WBP1L: variants seen among roughly 807,000 people sequenced by gnomAD.
WBP1L encodes WW domain binding protein 1 like, also known as WW domain binding protein 1-like.
A neutral mutation model predicts 33.7 loss-of-function variants in WBP1L; 17 were observed. The observed-to-expected ratio is 0.50, with a 90% CI of 0.34 to 0.76. WBP1L has a LOEUF of 0.76. WBP1L is among the 30% of genes least tolerant of loss of function. The pLI, the probability that WBP1L is intolerant of heterozygous loss-of-function variation, is 0.01. For missense variants in WBP1L, 389 were observed against 469.4 expected, an observed-to-expected ratio of 0.83 and a Z score of 1.58; for synonymous variants, 173 against 190.8, an observed-to-expected ratio of 0.91 and a Z score of 0.77.
chr10:102,810,502 C>T (rs1473769880), intron 3 of WBP1L, among the ~76,000 whole-genome samples: 1 of 5,904 alleles, frequency 1.7e-4, no homozygotes, highest in Non-Finnish European at 1.1e-3. Context: ...TCCTTCCTTC[C>T]TTCCTTCCTT....
chr10:102,812,442 G>A (rs1321655743), intron 3 of WBP1L, among the ~76,000 whole-genome samples, 153 bp from the exon 4 acceptor site: 1 of 152,176 alleles, frequency 6.6e-6, no homozygotes, highest in Non-Finnish European at 1.5e-5. Flanking sequence ...GCTCGCAGCT[G>A]TCTCTCCTCT....
At chr10:102,798,187 T>G in intron 2 of WBP1L, 92 bp downstream of exon 2, 1 of 1,096,074 alleles carries the variant, frequency 9.1e-7, no homozygotes, top group South Asian at 1.3e-5. Context: ...CCTTTTCGGA[T>G]TCTCTTGGGG....
chr10:102,813,249 C>A lies in WBP1L; in HGVS notation c.1010C>A (p.Pro337Gln), dbSNP rs1436759366. 6.2e-7 allele frequency: 1 copy of A among 1,612,908 alleles called. No homozygotes were observed. The highest frequency in any genetic ancestry group is 2.2e-5 in the East Asian group (1 of 44,862). ...QAREPGHPHLPRPPACLLLNT... is the reference protein window; with the variant it reads ...QAREPGHPHLQRPPACLLLNT... ...CGAGAGCCTGGGCACCCGCACCTGC[C>A]ACGGCCGCCCGCATGCCTGCTGCTG... Residue 337 changes from proline (P) to glutamine (Q), a missense_variant, in exon 4 of 4, where the codon CCA becomes CAA. By Grantham distance (76) the Pro-to-Gln change is moderately conservative (BLOSUM62 -1). Coordinates refer to ENST00000448841, the MANE Select transcript of WBP1L (RefSeq NM_001083913.2).
At chr10:102,749,904 A>T (rs866977268) in intron 1 of WBP1L, among the ~76,000 whole-genome samples, 6 of 151,428 alleles carry the variant, frequency 4.0e-5, no homozygotes, top group Admixed American at 1.3e-4. Flanking sequence ...CAGCCTCCCA[A>T]ATAGCTGGGA....
chr10:102,766,409 C>A (rs1232881404), intron 1 of WBP1L, among the ~76,000 whole-genome samples: 8 of 143,290 alleles, frequency 5.6e-5, no homozygotes, highest in African/African-American at 2.1e-4. Context: ...CCATTGCACT[C>A]CAGCCTGGGC....
intron 1 of WBP1L, among the ~76,000 whole-genome samples, chr10:102,788,135 C>CTT (rs1232492409): frequency 3.0e-5 from 4 of 133,272 alleles, no homozygotes; most frequent in Non-Finnish European, 6.4e-5. Context: ...TTCTTTCTTT[C>CTT]TTTTTTTTTT....
intron 1 of WBP1L, among the ~76,000 whole-genome samples, chr10:102,785,881 T>C (rs913134831): frequency 6.6e-6 from 1 of 152,102 alleles, no homozygotes; most frequent in Non-Finnish European, 1.5e-5. Context: ...GAAAGAGTGG[T>C]CCATGAACCA....
chr10:102,756,152 C>G (rs1842973557), intron 1 of WBP1L, among the ~76,000 whole-genome samples: 1 of 151,980 alleles, frequency 6.6e-6, no homozygotes, highest in Admixed American at 6.6e-5. Flanking sequence ...GTGGCTCATG[C>G]CTGTAATCCC....
At position 102,812,687 on chromosome 10, in the gene WBP1L, C is replaced by G; in HGVS notation, c.448C>G (p.Gln150Glu). ...PPPYSAFQLQ[Q>E]QQLLPPQCGP... is the part of the protein sequence containing the mutation. ...ACCATACAGTGCCTTCCAGCTACAG[C>G]AGCAGCAGCTGCTGCCTCCACAGTG... The change falls in exon 4 of 4, where the codon CAG becomes GAG. Residue 150 changes from glutamine (Q) to glutamate (E), a missense_variant. Physicochemically the swap from Gln to Glu is conservative, Grantham distance 29. Coordinates refer to ENST00000448841, the MANE Select transcript of WBP1L (RefSeq NM_001083913.2). 6.2e-7 allele frequency: 1 copy of G among 1,613,902 alleles called. No individual in the cohort carries two copies. Among genetic ancestry groups the G allele is most frequent in the Non-Finnish European group, 8.5e-7 (1 of 1,179,926 alleles).
chr10:102,744,663 T>C (rs2134020874), intron 1 of WBP1L, among the ~76,000 whole-genome samples: 1 of 152,268 alleles, frequency 6.6e-6, no homozygotes, highest in South Asian at 2.1e-4. Flanking sequence ...TTTTAAAATC[T>C]GTAAGCCATG....
chr10:102,768,371 G>GTTTTTT lies in WBP1L; in HGVS notation c.90+24248_90+24253dup, dbSNP rs1192088947. 3.0e-3 allele frequency among the ~76,000 whole-genome samples: 37 copies of GTTTTTT among 12,220 alleles called. 1 individual carries two copies. Among genetic ancestry groups the GTTTTTT allele is most frequent in the South Asian group, 0.011 (4 of 366 alleles). The allele number at this position is 12,220 out of a possible 152,430, so 8.0% of individuals were successfully genotyped here. On this transcript the variant is annotated intron_variant, in intron 1 of 3. Coordinates refer to ENST00000448841, the MANE Select transcript of WBP1L (RefSeq NM_001083913.2). ...CCATTGCGCCTGGCATTAGTTTTTT[G>GTTTTTT]TTTTTTTTTTTTTTTTTTTTTTTTT...
intron 3 of WBP1L, among the ~76,000 whole-genome samples, chr10:102,812,243 G>C (rs1222643230): frequency 6.6e-6 from 1 of 152,236 alleles, no homozygotes; most frequent in Non-Finnish European, 1.5e-5. Context: ...CATGAGACTT[G>C]TGTGCATGTG....
chr10:102,758,069 G>C (rs7918080), intron 1 of WBP1L, among the ~76,000 whole-genome samples: 31,430 of 146,674 alleles, frequency 0.21, 3,377 homozygotes, highest in Middle Eastern at 0.33. Flanking sequence ...ATTTTTAGTA[G>C]AGACGGGGTT....
chr10:102,788,460 A>G (rs1203018378), intron 1 of WBP1L, among the ~76,000 whole-genome samples: 1 of 152,132 alleles, frequency 6.6e-6, no homozygotes, highest in Non-Finnish European at 1.5e-5. Flanking sequence ...AGGTGAATAC[A>G]TGAAGCTTTG....
At chr10:102,784,757 C>T (rs963354119) in intron 1 of WBP1L, among the ~76,000 whole-genome samples, 6 of 151,440 alleles carry the variant, frequency 4.0e-5, no homozygotes, top group Non-Finnish European at 5.9e-5. Context: ...GATGAGGTCA[C>T]GCTTTTTTGC....
intron 1 of WBP1L, among the ~76,000 whole-genome samples, chr10:102,788,547 T>C (rs959559626): frequency 1.3e-5 from 2 of 152,208 alleles, no homozygotes; most frequent in Non-Finnish European, 2.9e-5. Context: ...GAAGATTCTA[T>C]CTAGGATAGA....
intron 3 of WBP1L, 32 bp downstream of exon 3, chr10:102,810,086 C>G: frequency 1.9e-6 from 3 of 1,579,784 alleles, no homozygotes; most frequent in Non-Finnish European, 2.6e-6. Context: ...TACCCACCCT[C>G]AGGAGCTCAG....
At chr10:102,808,853 T>A (rs895674640) in intron 2 of WBP1L, among the ~76,000 whole-genome samples, 14 of 145,194 alleles carry the variant, frequency 9.6e-5, no homozygotes, top group Non-Finnish European at 1.9e-4. Flanking sequence ...ATCTTCTGAG[T>A]TGCGGGGGAG....
rs767182847 is a variant in WBP1L at position 102,744,423 on chromosome 10, G to A, written c.90+280G>A. 3.2e-4 allele frequency: 311 copies of A among 985,266 alleles called. 1 individual carries two copies. The highest frequency in any genetic ancestry group is 3.7e-4 in the Non-Finnish European group (305 of 829,932). 61.0% of individuals were successfully genotyped at this position (985,266 alleles called of 1,614,324 possible). ...GCTGGGGTGACTGTGGCTGGATAGC[G>A]GTGCCAAGCTGAGGATGTGGGCCTT... On this transcript the variant is annotated intron_variant, in intron 1 of 3. Transcript: ENST00000448841.
Sources: allele counts gnomAD v4.1 joint callset (sites outside exome capture counted in the v4.1 genomes callset), GRCh38; gene constraint gnomAD v4.1.1; transcripts MANE v1.5; gene names NCBI Gene and HGNC (gene_info 2026-07-23, HGNC 2026-07-21).